The following COL23A1 variants were observed in gnomAD, a reference collection of about 807,000 sequenced individuals.
COL23A1 encodes collagen type XXIII alpha 1 chain.
Under a neutral mutation model 99.3 loss-of-function variants are expected in COL23A1, and 97 were observed. That is an observed-to-expected ratio of 0.98 (90% CI 0.83 to 1.16). The LOEUF is 1.16. Ranked by LOEUF, COL23A1 falls within the 50% of genes most tolerant of loss-of-function variation. The probability of loss-of-function intolerance (pLI) is 0.00; values close to 1 mark genes in which losing one functional copy is unlikely to be tolerated. For missense variants in COL23A1, 762 were observed against 757.4 expected (o/e 1.01, Z -0.07); for synonymous variants, 320 against 308.2 (o/e 1.04, Z -0.40).
chr5:178,418,729 A>G (rs1221800934), intron 2 of COL23A1, among the ~76,000 whole-genome samples: 1 of 151,196 alleles, frequency 6.6e-6, no homozygotes, highest in African/African-American at 2.5e-5. Flanking sequence ...GAGAGAGAAG[A>G]TCAGAAACAA....
rs949309051 is a variant in COL23A1, at chr5:178,428,539, G to T, written c.362-121620C>A. Among the ~76,000 whole-genome samples, 1 of 152,222 alleles carries T rather than the reference G, an allele frequency of 6.6e-6. No individual in the cohort carries two copies. Among genetic ancestry groups the T allele is most frequent in the African/African-American group, 2.4e-5 (1 of 41,458 alleles). On this transcript the variant is annotated intron_variant, in intron 2 of 28. Coordinates refer to ENST00000390654, the MANE Select transcript of COL23A1 (RefSeq NM_173465.4). The surrounding 1 kb of genome is among the most constrained non-coding windows in gnomAD (Gnocchi z 5.0). ...CTCTGTGTCCAGGAGCCGCGGCAGG[G>T]TGCCCAGCGGGGCCTCTTGGATGCT...
chr5:178,510,749 C>G (rs1759161196), intron 2 of COL23A1, among the ~76,000 whole-genome samples: 2 of 151,992 alleles, frequency 1.3e-5, no homozygotes, highest in African/African-American at 4.8e-5. Flanking sequence ...TCAGATGGGA[C>G]AAAGATGCCT....
intron 2 of COL23A1, among the ~76,000 whole-genome samples, chr5:178,359,395 G>A (rs1762056191): frequency 6.6e-6 from 1 of 152,206 alleles, no homozygotes; most frequent in Admixed American, 6.5e-5. Flanking sequence ...GGATGTGGTG[G>A]TGGGTGCCTG....
At chr5:178,363,520 C>T (rs1762287759) in intron 2 of COL23A1, among the ~76,000 whole-genome samples, 1 of 152,248 alleles carries the variant, frequency 6.6e-6, no homozygotes, top group Admixed American at 6.5e-5. Flanking sequence ...CAACCAGCTA[C>T]ACTCCCAGCC....
At chr5:178,417,997 G>T (rs1305269305) in intron 2 of COL23A1, among the ~76,000 whole-genome samples, 1 of 152,256 alleles carries the variant, frequency 6.6e-6, no homozygotes, top group African/African-American at 2.4e-5. Context: ...TGGGCCCTGA[G>T]GAAGGAGCCC....
At chr5:178,362,709 CT>C (rs1762238202) in intron 2 of COL23A1, among the ~76,000 whole-genome samples, 1 of 152,198 alleles carries the variant, frequency 6.6e-6, no homozygotes, top group African/African-American at 2.4e-5. Flanking sequence ...GGCTTTCTTC[CT>C]GCAGCTGCAA....
intron 2 of COL23A1, among the ~76,000 whole-genome samples, chr5:178,540,646 GCGTGGTGGCTCA>G (rs750948967): frequency 5.7e-4 from 86 of 152,178 alleles, no homozygotes; most frequent in Non-Finnish European, 1.0e-3. Context: ...GGGTGGCTGG[GCGTGGTGGCTCA>G]TGCCTGCAGT....
intron 3 of COL23A1, among the ~76,000 whole-genome samples, chr5:178,292,850 T>C (rs1757535673): frequency 6.6e-6 from 1 of 152,138 alleles, no homozygotes; most frequent in African/African-American, 2.4e-5. Context: ...CACGTGGCAC[T>C]GCTGCAAGTT....
At chr5:178,381,939 C>T (rs144921066) in intron 2 of COL23A1, among the ~76,000 whole-genome samples, 1 of 152,332 alleles carries the variant, frequency 6.6e-6, no homozygotes, top group Non-Finnish European at 1.5e-5. Context: ...CCCAGCATTG[C>T]CTGGAATTTT....
At chr5:178,241,516 A>G (rs1037048339) in intron 27 of COL23A1, among the ~76,000 whole-genome samples, 7 of 152,180 alleles carry the variant, frequency 4.6e-5, no homozygotes, top group Non-Finnish European at 7.3e-5. Context: ...CCTCAGGCCC[A>G]GTGGGAGTCA....
intron 17 of COL23A1, 90 bp downstream of exon 17, chr5:178,252,454 A>C: frequency 4.0e-6 from 5 of 1,247,838 alleles, no homozygotes; most frequent in Non-Finnish European, 5.6e-6. Context: ...CCCGGAGGGA[A>C]GTGGAACAGG....
chr5:178,559,187 G>A (rs772948707), intron 2 of COL23A1, among the ~76,000 whole-genome samples: 1 of 152,168 alleles, frequency 6.6e-6, no homozygotes, highest in Non-Finnish European at 1.5e-5. Context: ...GCTAGCTCAA[G>A]CTCAACCATA....
rs1043177199 is a variant in COL23A1, at chr5:178,365,294, G to A, written c.362-58375C>T. Among the ~76,000 whole-genome samples the A allele has an allele frequency of 1.3e-5, 2 of 152,088 alleles. No individual in the cohort carries two copies. The highest frequency in any genetic ancestry group is 4.8e-5 in the African/African-American group (2 of 41,412). Reference sequence around the variant, plus strand: ...TGGGAGAGCGAGGTTGTGCTTTGATGCATGGGGTAGAGGAACCCTAGGAGG... The same window carrying A: ...TGGGAGAGCGAGGTTGTGCTTTGATACATGGGGTAGAGGAACCCTAGGAGG... On this transcript the variant is annotated intron_variant, in intron 2 of 28. Coordinates refer to ENST00000390654, the MANE Select transcript of COL23A1 (RefSeq NM_173465.4). This position sits in a 1 kb window ranked among gnomAD's most constrained non-coding sequence, Gnocchi z 5.2.
chr5:178,338,731 G>T (rs1011739739), intron 2 of COL23A1, among the ~76,000 whole-genome samples: 54 of 152,014 alleles, frequency 3.6e-4, no homozygotes, highest in Admixed American at 2.0e-3. Context: ...TTTGGTTAAT[G>T]GGGGGGTCCT....
intron 5 of COL23A1, among the ~76,000 whole-genome samples, chr5:178,278,830 C>T (rs2913838): frequency 0.77 from 116,883 of 152,170 alleles, 45,629 homozygotes; most frequent in Non-Finnish European, 0.85. Context: ...GATGGAATGG[C>T]TCCCTGGATC....
intron 3 of COL23A1, among the ~76,000 whole-genome samples, chr5:178,297,468 A>G (rs1387925984): frequency 1.3e-5 from 2 of 152,222 alleles, no homozygotes; most frequent in African/African-American, 4.8e-5. Context: ...CAGTGAGCCA[A>G]TATCAGGCCA....
intron 6 of COL23A1, among the ~76,000 whole-genome samples, chr5:178,269,224 T>C (rs1756083187): frequency 6.6e-6 from 1 of 152,174 alleles, no homozygotes; most frequent in Non-Finnish European, 1.5e-5. Context: ...AAAAAAAGCA[T>C]TCTCTTCTTT....
intron 2 of COL23A1, among the ~76,000 whole-genome samples, chr5:178,358,727 GTGTGTATGTGTATC>G (rs796970702): frequency 2.0e-4 from 22 of 112,314 alleles, no homozygotes; most frequent in Admixed American, 4.1e-4. Flanking sequence ...GTATGTGTAT[GTGTGTATGTGTATC>G]TGTGTGTGTA....
chr5:178,384,970 C>A lies in COL23A1; in HGVS notation c.362-78051G>T, dbSNP rs771362882. On this transcript the variant is annotated intron_variant, in intron 2 of 28. Transcript: ENST00000390654. The surrounding 1 kb of genome is among the most constrained non-coding windows in gnomAD (Gnocchi z 5.5). ...CTCCCTGCCTGCCCCATCCAAGCCA[C>A]CACACTGGGCTGCCCAGCCCACTCC... 6.6e-6 allele frequency among the ~76,000 whole-genome samples: 1 copy of A among 152,218 alleles called. No homozygotes were observed. The highest frequency in any genetic ancestry group is 2.4e-5 in the African/African-American group (1 of 41,460).
Sources: allele counts gnomAD v4.1 joint callset (sites outside exome capture counted in the v4.1 genomes callset), GRCh38; gene constraint gnomAD v4.1.1; non-coding constraint Gnocchi (gnomAD v3.1); transcripts MANE v1.5; gene names NCBI Gene and HGNC (gene_info 2026-07-23, HGNC 2026-07-21).